The following FAF2 variants were observed in gnomAD, a reference collection of about 807,000 sequenced individuals.
The protein encoded by FAF2 is Fas associated factor family member 2, also known as FAS-associated factor 2.
A neutral mutation model predicts 62.3 loss-of-function variants in FAF2; 9 were observed. That is an observed-to-expected ratio of 0.14 (90% CI 0.09 to 0.25). The LOEUF is 0.25. Among genes scored for constraint, FAF2 ranks in the 10% least tolerant of loss-of-function variants. The pLI, the probability that FAF2 is intolerant of heterozygous loss-of-function variation, is 1.00. For missense variants in FAF2, 368 were observed against 556.2 expected (o/e 0.66, Z 3.40); for synonymous variants, 202 against 198.0 (o/e 1.02, Z -0.17).
At chr5:176,469,210 A>C (rs1758519001) in intron 1 of FAF2, among the ~76,000 whole-genome samples, 1 of 152,174 alleles carries the variant, frequency 6.6e-6, no homozygotes, top group Non-Finnish European at 1.5e-5. Flanking sequence ...ACACCATTGT[A>C]CTCCAGCCTG....
intron 3 of FAF2, among the ~76,000 whole-genome samples, chr5:176,487,988 G>A (rs1488412640): frequency 6.6e-6 from 1 of 151,912 alleles, no homozygotes; most frequent in Non-Finnish European, 1.5e-5. Context: ...GATTACAGGC[G>A]CCCACCACCG....
intron 4 of FAF2, among the ~76,000 whole-genome samples, chr5:176,490,608 T>C (rs952186268): frequency 6.6e-6 from 1 of 152,216 alleles, no homozygotes; most frequent in Non-Finnish European, 1.5e-5. Flanking sequence ...CCTTTTATAT[T>C]GGACCCTTGG....
intron 1 of FAF2, among the ~76,000 whole-genome samples, chr5:176,478,433 T>C (rs1410494853): frequency 6.6e-6 from 1 of 152,096 alleles, no homozygotes; most frequent in African/African-American, 2.4e-5. Context: ...GAGCAGTCAT[T>C]GCGCTATTGC....
intron 1 of FAF2, among the ~76,000 whole-genome samples, chr5:176,458,972 G>GTT (rs1758327900): frequency 6.6e-6 from 1 of 152,046 alleles, no homozygotes; most frequent in Non-Finnish European, 1.5e-5. Flanking sequence ...AGGACTTAAG[G>GTT]ATTTGTTTAC....
chr5:176,457,724 C>CA (rs1241593577), intron 1 of FAF2, among the ~76,000 whole-genome samples: 14 of 151,844 alleles, frequency 9.2e-5, no homozygotes, highest in Non-Finnish European at 1.9e-4. Flanking sequence ...TAGCAGAAAT[C>CA]ACCGTGAACA....
rs1357904556 is a variant in FAF2 at position 176,496,334 on chromosome 5, T to G, written c.662-152T>G. 5.7e-6 allele frequency: 3 copies of G among 526,946 alleles called. No homozygotes were observed. In the East Asian group the frequency reaches 1.0e-4, roughly 18 times the overall value. 32.6% of individuals were successfully genotyped at this position (526,946 alleles called of 1,614,324 possible). On this transcript the variant is annotated intron_variant, in intron 7 of 10. Transcript: ENST00000261942. ...GCTCAAAAAAAGAAAAGAAAGAAAC[T>G]AGGAGGCGGGGAAAAAGCGGAGACT...
At chr5:176,458,871 A>G (rs1212102756) in intron 1 of FAF2, among the ~76,000 whole-genome samples, 5 of 151,978 alleles carry the variant, frequency 3.3e-5, no homozygotes, top group East Asian at 1.9e-4. Context: ...ATTCCTTCTC[A>G]TGCCTCCCTT....
At chr5:176,502,838 A>G (rs1024621931) in intron 10 of FAF2, among the ~76,000 whole-genome samples, 2 of 151,932 alleles carry the variant, frequency 1.3e-5, no homozygotes, top group East Asian at 3.9e-4. Flanking sequence ...TCACAAGGTC[A>G]GGAGTTCCAA....
chr5:176,460,820 T>C (rs772878906), intron 1 of FAF2, among the ~76,000 whole-genome samples: 12 of 151,832 alleles, frequency 7.9e-5, no homozygotes, highest in Non-Finnish European at 1.8e-4. Flanking sequence ...GGCATGGCGG[T>C]GTAGGCCTGT....
At chr5:176,461,695 T>C (rs767624288) in intron 1 of FAF2, among the ~76,000 whole-genome samples, 3 of 152,008 alleles carry the variant, frequency 2.0e-5, no homozygotes, top group African/African-American at 7.3e-5. Flanking sequence ...TCTCATATAT[T>C]CTGGATATTA....
intron 9 of FAF2, 53 bp downstream of exon 9, chr5:176,499,138 C>G: frequency 6.8e-7 from 1 of 1,481,072 alleles, no homozygotes; most frequent in East Asian, 2.5e-5. Context: ...CGAGACTTTG[C>G]CATCTTGGTC....
chr5:176,496,708 A>C, intron 8 of FAF2, 45 bp downstream of exon 8: 1 of 1,434,322 alleles, frequency 7.0e-7, no homozygotes, highest in Non-Finnish European at 9.3e-7. Flanking sequence ...CCAGTTGTAA[A>C]TTTGGAGGGC....
At chr5:176,478,059 G>C (rs1758733140) in intron 1 of FAF2, among the ~76,000 whole-genome samples, 1 of 152,238 alleles carries the variant, frequency 6.6e-6, no homozygotes. Flanking sequence ...GGATTAGATG[G>C]ATGGTTTTGG....
chr5:176,477,306 C>T (rs1446996580), intron 1 of FAF2, among the ~76,000 whole-genome samples: 3 of 141,864 alleles, frequency 2.1e-5, no homozygotes, highest in South Asian at 2.3e-4. Context: ...AGGCTGGTCT[C>T]TAACTCCTGA....
At chr5:176,454,048 TA>T (rs879370561) in intron 1 of FAF2, among the ~76,000 whole-genome samples, 107 of 139,482 alleles carry the variant, frequency 7.7e-4, no homozygotes, top group Admixed American at 7.3e-4. Context: ...AGCGAGACTC[TA>T]AAAAAAAAAA....
intron 10 of FAF2, among the ~76,000 whole-genome samples, chr5:176,502,057 C>A (rs1755601111): frequency 6.6e-6 from 1 of 151,868 alleles, no homozygotes; most frequent in African/African-American, 2.4e-5. Flanking sequence ...GCACCTGGCC[C>A]CATGTCTCTA....
intron 2 of FAF2, among the ~76,000 whole-genome samples, chr5:176,485,432 C>G (rs1002981651): frequency 2.2e-4 from 33 of 152,164 alleles, no homozygotes; most frequent in African/African-American, 8.0e-4. Context: ...GCAGCTGCAA[C>G]CTAAAATCTA....
At position 176,494,409 on chromosome 5, in the gene FAF2, T is replaced by C. The variant is rs1759027798; in HGVS notation, c.661+134T>C. The C allele has an allele frequency of 2.7e-6, 2 of 727,622 alleles. No individual in the cohort carries two copies. Among genetic ancestry groups the C allele is most frequent in the East Asian group, 5.3e-5 (2 of 37,548 alleles). The allele number at this position is 727,622 out of a possible 1,614,324, so 45.1% of individuals were successfully genotyped here. On this transcript the variant is annotated intron_variant, in intron 7 of 10. Transcript: ENST00000261942. This position sits in a 1 kb window ranked among gnomAD's most constrained non-coding sequence, Gnocchi z 4.0. ...CGACGCTAGTTGCTATTTTATATTGTCTCATTTAATCCTCTCAGCAGTCCT... is the reference window on the plus strand; with the variant it reads ...CGACGCTAGTTGCTATTTTATATTGCCTCATTTAATCCTCTCAGCAGTCCT...
At chr5:176,501,239 G>A (rs1755587957) in intron 10 of FAF2, among the ~76,000 whole-genome samples, 1 of 152,128 alleles carries the variant, frequency 6.6e-6, no homozygotes, top group Non-Finnish European at 1.5e-5. Flanking sequence ...TACTATTTTT[G>A]GTATTTGTAA....
Sources: gnomAD v4.1 joint callset for allele counts (sites outside exome capture counted in the v4.1 genomes callset) on GRCh38, gnomAD v4.1.1 for gene constraint, Gnocchi (gnomAD v3.1) non-coding constraint, MANE v1.5 for transcripts, NCBI Gene and HGNC (gene_info 2026-07-23, HGNC 2026-07-21) for gene names.